ZFP30: variants seen among roughly 807,000 people sequenced by gnomAD.
The protein encoded by ZFP30 is zinc finger protein 30 homolog.
Under a neutral mutation model 12.3 loss-of-function variants are expected in ZFP30, and 16 were observed. The ratio of observed to expected loss-of-function variants is 1.30; its 90% CI spans 0.88 to 1.98. The LOEUF is 1.98. Among genes scored for constraint, ZFP30 ranks in the 30% most tolerant of loss-of-function variants. The probability of loss-of-function intolerance (pLI) is 0.00; values close to 1 mark genes in which losing one functional copy is unlikely to be tolerated. For missense variants in ZFP30, 560 were observed against 611.2 expected, an observed-to-expected ratio of 0.92 and a Z score of 0.88; for synonymous variants, 172 against 201.0, an observed-to-expected ratio of 0.86 and a Z score of 1.22.
At chr19:37,652,740 A>G (rs781630322) in intron 2 of ZFP30, among the ~76,000 whole-genome samples, 5 of 152,194 alleles carry the variant, frequency 3.3e-5, no homozygotes, top group Non-Finnish European at 7.3e-5. Context: ...ACAAGCTTGT[A>G]TTAATTCTGT....
chr19:37,632,647 T>G lies in ZFP30; in HGVS notation c.*2334A>C, dbSNP rs2044251066. ...TCTAAAATATTATTTCAATATGTACTCAATATGAAAAATTGAGATACTTAA... is the reference window on the plus strand; with the variant it reads ...TCTAAAATATTATTTCAATATGTACGCAATATGAAAAATTGAGATACTTAA... On this transcript the variant is annotated 3_prime_UTR_variant, in exon 6 of 6. Coordinates refer to ENST00000684514, the MANE Select transcript of ZFP30 (RefSeq NM_001320669.3). 1 of 152,248 alleles carries G rather than the reference T, an allele frequency of 6.6e-6. No individual in the cohort carries two copies. Among genetic ancestry groups the G allele is most frequent in the Non-Finnish European group, 1.5e-5 (1 of 68,048 alleles). 9.4% of individuals were successfully genotyped at this position (152,248 alleles called of 1,614,324 possible). A position where few individuals can be genotyped will look rare whatever the true frequency, so the allele number is the denominator to read the frequency against.
rs1259878021 is a variant in ZFP30, at chr19:37,633,314, G to A, written c.*1667C>T. The A allele has an allele frequency of 3.3e-5, 5 of 152,100 alleles. No homozygotes were observed. Among genetic ancestry groups the A allele is most frequent in the Non-Finnish European group, 7.4e-5 (5 of 68,018 alleles). 9.4% of individuals were successfully genotyped at this position (152,100 alleles called of 1,614,324 possible). A position where few individuals can be genotyped will look rare whatever the true frequency, so the allele number is the denominator to read the frequency against. On this transcript the variant is annotated 3_prime_UTR_variant, in exon 6 of 6. Coordinates refer to ENST00000684514, the MANE Select transcript of ZFP30 (RefSeq NM_001320669.3). ...GTAATTAATATTCCAATCCCAATGT[G>A]TAGAGCTTTGGCAACATCCACAAGT...
Position 37,632,720 on chromosome 19 carries a change from A to T in ZFP30, c.*2261T>A, listed in dbSNP as rs1474957341. On this transcript the variant is annotated 3_prime_UTR_variant, in exon 6 of 6. Coordinates refer to ENST00000684514, the MANE Select transcript of ZFP30 (RefSeq NM_001320669.3). ...TCAGAATCTTGTGTTTTACAAAAAA[A>T]CACCATTTGAATTTGGACTAGCCAC... 6.6e-6 allele frequency: 1 copy of T among 152,228 alleles called. No homozygotes were observed. The highest frequency in any genetic ancestry group is 2.4e-5 in the African/African-American group (1 of 41,464). The allele number at this position is 152,228 out of a possible 1,614,324, so 9.4% of individuals were successfully genotyped here. A position where few individuals can be genotyped will look rare whatever the true frequency, so the allele number is the denominator to read the frequency against.
intron 2 of ZFP30, among the ~76,000 whole-genome samples, chr19:37,650,056 T>C (rs1464310181): frequency 6.6e-6 from 1 of 152,088 alleles, no homozygotes; most frequent in Non-Finnish European, 1.5e-5. Flanking sequence ...TAAAATTTTA[T>C]TGTTACCTTT....
chr19:37,652,353 G>A (rs71354946), intron 2 of ZFP30, among the ~76,000 whole-genome samples: 2 of 152,162 alleles, frequency 1.3e-5, no homozygotes, highest in African/African-American at 4.8e-5. Context: ...GATTGTCTGA[G>A]GTCAGGAGTT....
At chr19:37,638,814 G>C (rs1462266611) in intron 5 of ZFP30, among the ~76,000 whole-genome samples, 1 of 152,168 alleles carries the variant, frequency 6.6e-6, no homozygotes, top group Non-Finnish European at 1.5e-5. Flanking sequence ...ACAGTGGTTA[G>C]TCTTGGTGGG....
In ZFP30 at chr19:37,636,016, G is replaced by A; in HGVS notation, c.525C>T (p.Phe175=). 1 of 1,613,918 alleles carries A rather than the reference G, an allele frequency of 6.2e-7. No homozygotes were observed. Among genetic ancestry groups the A allele is most frequent in the Non-Finnish European group, 8.5e-7 (1 of 1,179,978 alleles). Residue 175 remains phenylalanine, a synonymous_variant, in exon 6 of 6, where the codon TTC becomes TTT. Transcript: ENST00000684514. Reference sequence around the variant, plus strand: ...TCTCACCAGTATGAATTCTTTGATGGAAAGTAAGTTGTTGTCGTACTCTAA... The same window carrying A: ...TCTCACCAGTATGAATTCTTTGATGAAAAGTAAGTTGTTGTCGTACTCTAA... The part of the protein sequence containing the change: ...KAFRVRQQLT[F]HQRIHTGEKP...
intron 2 of ZFP30, among the ~76,000 whole-genome samples, chr19:37,652,712 C>T (rs1032454753): frequency 6.6e-6 from 1 of 151,966 alleles, no homozygotes; most frequent in East Asian, 1.9e-4. Flanking sequence ...TTATAGGTTC[C>T]GTAGTTACTA....
intron 5 of ZFP30, among the ~76,000 whole-genome samples, chr19:37,637,767 T>G (rs2044360422): frequency 1.3e-5 from 2 of 152,124 alleles, no homozygotes; most frequent in Non-Finnish European, 2.9e-5. Flanking sequence ...GGATTACAGG[T>G]GTGAGCCACC....
chr19:37,645,154 G>A (rs925394968), intron 3 of ZFP30, among the ~76,000 whole-genome samples: 7 of 151,704 alleles, frequency 4.6e-5, no homozygotes, highest in African/African-American at 1.5e-4. Flanking sequence ...GCAGTGAGCC[G>A]AGATCGCGCT....
rs541231185 is a variant in ZFP30 at position 37,634,829 on chromosome 19, T to A, written c.*152A>T. 6 of 829,838 alleles carry A rather than the reference T, an allele frequency of 7.2e-6. No homozygotes were observed. The South Asian group carries it at 1.3e-4, about 18-fold the overall frequency. 51.4% of individuals were successfully genotyped at this position (829,838 alleles called of 1,614,324 possible). A position where few individuals can be genotyped will look rare whatever the true frequency, so the allele number is the denominator to read the frequency against. ...TCAAAGGTGATGAAAGGCTTCTATA[T>A]GTTCATTAACATATTCTTTCCTTTA... On this transcript the variant is annotated 3_prime_UTR_variant, in exon 6 of 6. Coordinates refer to ENST00000684514, the MANE Select transcript of ZFP30 (RefSeq NM_001320669.3).
At chr19:37,644,997 A>G (rs1433898525) in intron 3 of ZFP30, among the ~76,000 whole-genome samples, 5 of 152,090 alleles carry the variant, frequency 3.3e-5, no homozygotes, top group Non-Finnish European at 7.4e-5. Context: ...CGAGGTCAGG[A>G]GATCAAGACC....
chr19:37,639,876 A>C (rs931270425), intron 5 of ZFP30, among the ~76,000 whole-genome samples: 1 of 152,126 alleles, frequency 6.6e-6, no homozygotes, highest in Non-Finnish European at 1.5e-5. Context: ...GTGACAAGCC[A>C]GATCAAGATC....
At chr19:37,642,300 G>A (rs2147269248) in intron 5 of ZFP30, among the ~76,000 whole-genome samples, 1 of 152,176 alleles carries the variant, frequency 6.6e-6, no homozygotes, top group South Asian at 2.1e-4. Context: ...TAGTTTTCTA[G>A]TAACTTTCAA....
At chr19:37,641,796 G>A (rs370146192) in intron 5 of ZFP30, among the ~76,000 whole-genome samples, 7 of 152,176 alleles carry the variant, frequency 4.6e-5, no homozygotes, top group Non-Finnish European at 7.4e-5. Context: ...AACTGTTGAC[G>A]TGTCTTTTAC....
rs904841071 is a variant in ZFP30, at chr19:37,631,542, C to T, written c.*3439G>A. ...AAATACAGTTCATAATGGATGACCACGGTGAAATCACCGAAGTCCAACTGA... is the reference window on the plus strand; with the variant it reads ...AAATACAGTTCATAATGGATGACCATGGTGAAATCACCGAAGTCCAACTGA... On this transcript the variant is annotated 3_prime_UTR_variant, in exon 6 of 6. Coordinates refer to ENST00000684514, the MANE Select transcript of ZFP30 (RefSeq NM_001320669.3). The T allele has an allele frequency of 2.6e-5, 4 of 151,982 alleles. No individual in the cohort carries two copies. The highest frequency in any genetic ancestry group is 7.2e-5 in the African/African-American group (3 of 41,380). The allele number at this position is 151,982 out of a possible 1,614,324, so 9.4% of individuals were successfully genotyped here. A position where few individuals can be genotyped will look rare whatever the true frequency, so the allele number is the denominator to read the frequency against.
At chr19:37,651,717 T>G (rs935521220) in intron 2 of ZFP30, among the ~76,000 whole-genome samples, 14 of 152,208 alleles carry the variant, frequency 9.2e-5, no homozygotes, top group Non-Finnish European at 8.8e-5. Flanking sequence ...AACTCTGAAA[T>G]TCACATGACT....
intron 5 of ZFP30, among the ~76,000 whole-genome samples, chr19:37,642,795 C>A (rs563839906): frequency 5.9e-5 from 9 of 152,102 alleles, no homozygotes; most frequent in Admixed American, 1.3e-4. Flanking sequence ...GTGGCTCACG[C>A]CTGTAATCCC....
intron 5 of ZFP30, among the ~76,000 whole-genome samples, chr19:37,641,281 A>G (rs1462387699): frequency 6.6e-6 from 1 of 152,182 alleles, no homozygotes; most frequent in African/African-American, 2.4e-5. Context: ...TAGCCTATAA[A>G]CATGTTCTAA....
Sources: allele counts gnomAD v4.1 joint callset (sites outside exome capture counted in the v4.1 genomes callset), GRCh38; gene constraint gnomAD v4.1.1; transcripts MANE v1.5; gene names NCBI Gene and HGNC (gene_info 2026-07-23, HGNC 2026-07-21).